Variants in CALN1 observed in about 807,000 individuals in gnomAD.
CALN1 encodes calcium-binding protein 8.
CALN1 carries 17 observed loss-of-function variants against 30.6 expected under a neutral mutation model. The ratio of observed to expected loss-of-function variants is 0.56; its 90% CI spans 0.38 to 0.83. The LOEUF (loss-of-function observed/expected upper bound fraction) is 0.83. CALN1 is among the 40% of genes least tolerant of loss of function. CALN1 has a pLI of 0.00. For missense variants in CALN1, 291 were observed against 354.9 expected, an observed-to-expected ratio of 0.82 and a Z score of 1.45; for synonymous variants, 156 against 131.4, an observed-to-expected ratio of 1.19 and a Z score of -1.28.
intron 2 of CALN1, among the ~76,000 whole-genome samples, chr7:72,385,445 G>A (rs998121590): frequency 1.3e-5 from 2 of 152,078 alleles, no homozygotes; most frequent in African/African-American, 2.4e-5. Context: ...GTACATCTAT[G>A]AAATGGAATA....
intron 3 of CALN1, among the ~76,000 whole-genome samples, chr7:72,243,482 GC>G (rs1385233545): frequency 1.3e-5 from 2 of 152,134 alleles, no homozygotes; most frequent in East Asian, 3.9e-4. Flanking sequence ...TTCTTTCGGT[GC>G]TAAGTGCTGA....
intron 1 of CALN1, among the ~76,000 whole-genome samples, chr7:72,411,798 T>A (rs963794160): frequency 2.0e-5 from 3 of 146,784 alleles, no homozygotes; most frequent in Admixed American, 6.6e-5. Context: ...AATTACTCTT[T>A]TAAAGTAATA....
chr7:72,371,153 C>A lies in CALN1; in HGVS notation c.119+32098G>T, dbSNP rs1295573414. Among the ~76,000 whole-genome samples the A allele has an allele frequency of 2.0e-5, 3 of 151,444 alleles. No individual in the cohort carries two copies. The East Asian group carries it at 5.8e-4, about 29-fold the overall frequency. On this transcript the variant is annotated intron_variant, in intron 2 of 6. Coordinates refer to ENST00000395275, the MANE Select transcript of CALN1 (RefSeq NM_031468.4). ...TGGTGTCCTATTTTTAAAAATTTGC[C>A]TAACCTAGGGTTGCAAAGGTTTTCT...
At chr7:72,013,139 T>C (rs1205241052) in intron 5 of CALN1, among the ~76,000 whole-genome samples, 1 of 151,996 alleles carries the variant, frequency 6.6e-6, no homozygotes, top group Non-Finnish European at 1.5e-5. Context: ...CCATTTACCA[T>C]AACCATGGGC....
At chr7:72,431,946 G>A (rs553049826) in intron 1 of CALN1, among the ~76,000 whole-genome samples, 22 of 152,216 alleles carry the variant, frequency 1.4e-4, no homozygotes, top group African/African-American at 5.1e-4. Context: ...ACAAGAGGAG[G>A]CAGCCAGTCC....
At chr7:72,171,109 G>C (rs1415378550) in intron 3 of CALN1, among the ~76,000 whole-genome samples, 3 of 152,134 alleles carry the variant, frequency 2.0e-5, no homozygotes, top group African/African-American at 7.2e-5. Context: ...CAGTGAGCCA[G>C]ACTGCACCAC....
intron 5 of CALN1, among the ~76,000 whole-genome samples, chr7:71,813,251 G>C (rs1006121388): frequency 3.3e-5 from 5 of 152,046 alleles, no homozygotes; most frequent in Non-Finnish European, 7.4e-5. Context: ...CACCATGTTG[G>C]CCAGGCTGGT....
At chr7:72,226,699 G>T (rs536101724) in intron 3 of CALN1, among the ~76,000 whole-genome samples, 3 of 152,216 alleles carry the variant, frequency 2.0e-5, no homozygotes, top group African/African-American at 7.2e-5. Context: ...ATCAAATACC[G>T]CACGTTCTCA....
chr7:72,248,207 C>T lies in CALN1; in HGVS notation c.244+30479G>A, dbSNP rs62464862. Among the ~76,000 whole-genome samples the T allele has an allele frequency of 5.5e-3, 834 of 152,256 alleles. 2 individuals carry two copies. Among genetic ancestry groups the T allele is most frequent in the Non-Finnish European group, 8.8e-3 (597 of 68,024 alleles). On this transcript the variant is annotated intron_variant, in intron 3 of 6. Coordinates refer to ENST00000395275, the MANE Select transcript of CALN1 (RefSeq NM_031468.4). The stretch of plus-strand genomic sequence containing the variant: ...TTGGCTCACTGCAACTTCCACCTCA[C>T]AGGTTCAAGCAATTCTCCTGCCTCA...
intron 5 of CALN1, among the ~76,000 whole-genome samples, chr7:71,876,872 C>G (rs1482087769): frequency 6.6e-6 from 1 of 152,170 alleles, no homozygotes. Flanking sequence ...TACCTTTTAT[C>G]TGTCGTTTGG....
chr7:72,276,656 G>T (rs372900382), intron 3 of CALN1, among the ~76,000 whole-genome samples: 4 of 152,034 alleles, frequency 2.6e-5, no homozygotes, highest in Middle Eastern at 3.4e-3. Flanking sequence ...CCAGAGCGTG[G>T]ACTATTATAA....
intron 3 of CALN1, among the ~76,000 whole-genome samples, chr7:72,203,341 TTAAAG>T (rs1375774973): frequency 2.6e-5 from 4 of 151,316 alleles, no homozygotes; most frequent in Non-Finnish European, 4.4e-5. Flanking sequence ...ATCCCAGAAC[TTAAAG>T]TAAAATAAAA....
chr7:72,054,063 G>A (rs1193811608), intron 4 of CALN1, among the ~76,000 whole-genome samples: 1 of 152,030 alleles, frequency 6.6e-6, no homozygotes, highest in Non-Finnish European at 1.5e-5. Flanking sequence ...ATTTGGGTTG[G>A]TGCCATGATT....
At chr7:72,226,214 C>A (rs765749878) in intron 3 of CALN1, among the ~76,000 whole-genome samples, 2 of 151,788 alleles carry the variant, frequency 1.3e-5, no homozygotes, top group Non-Finnish European at 2.9e-5. Context: ...CATTGCACTC[C>A]AACCTGGGTG....
intron 4 of CALN1, among the ~76,000 whole-genome samples, chr7:72,044,205 C>A (rs1391389775): frequency 6.6e-6 from 1 of 152,132 alleles, no homozygotes; most frequent in Non-Finnish European, 1.5e-5. Flanking sequence ...CCCTCTCCTC[C>A]AAATAGCAGA....
At chr7:72,253,323 A>G (rs1401197112) in intron 3 of CALN1, among the ~76,000 whole-genome samples, 1 of 152,226 alleles carries the variant, frequency 6.6e-6, no homozygotes, top group East Asian at 1.9e-4. Context: ...TGATGCCTTC[A>G]TCCTTACAAC....
At position 72,411,643 on chromosome 7, in the gene CALN1, A is replaced by G. The variant is rs77870454; in HGVS notation, c.-74+415T>C. On this transcript the variant is annotated intron_variant, in intron 1 of 6. Transcript: ENST00000395275. ...ATCAGCTCCATGGGAGGAAATACGAAAAGTCTTGTCAGGCCTAAAAGTGGA... is the reference window on the plus strand; with the variant it reads ...ATCAGCTCCATGGGAGGAAATACGAGAAGTCTTGTCAGGCCTAAAAGTGGA... 2.3e-4 allele frequency among the ~76,000 whole-genome samples: 35 copies of G among 152,346 alleles called. 2 individuals are homozygous for G. The East Asian group carries it at 6.7e-3, about 29-fold the overall frequency.
At chr7:72,069,944 G>A (rs139182419) in intron 4 of CALN1, among the ~76,000 whole-genome samples, 52 of 152,268 alleles carry the variant, frequency 3.4e-4, no homozygotes, top group African/African-American at 1.3e-3. Flanking sequence ...TCTTGGGGAT[G>A]TCCTGAGGTC....
chr7:72,019,042 G>A (rs529973215), intron 5 of CALN1, among the ~76,000 whole-genome samples: 1 of 150,858 alleles, frequency 6.6e-6, no homozygotes, highest in Admixed American at 6.6e-5. Flanking sequence ...GTAGAGATGA[G>A]GTTTCACCAT....
Sources: gnomAD v4.1 joint callset for allele counts (sites outside exome capture counted in the v4.1 genomes callset) on GRCh38, gnomAD v4.1.1 for gene constraint, MANE v1.5 for transcripts, NCBI Gene and HGNC (gene_info 2026-07-23, HGNC 2026-07-21) for gene names.